AFG2A: variants seen among roughly 807,000 people sequenced by gnomAD.
The protein encoded by AFG2A is ATPase family gene 2 protein homolog A.
the AFG2A span, among the ~76,000 whole-genome samples, chr4:123,312,381 C>T: frequency 6.6e-6 from 1 of 152,176 alleles, no homozygotes; most frequent in African/African-American, 2.4e-5. Context: ...ACTTCTTAGC[C>T]TTGCAACCAT....
chr4:122,954,295 A>G, the AFG2A span, among the ~76,000 whole-genome samples: 1 of 152,150 alleles, frequency 6.6e-6, no homozygotes, highest in African/African-American at 2.4e-5. Flanking sequence ...CCACCTCTCA[A>G]TCAACTGTCT....
the AFG2A span, among the ~76,000 whole-genome samples, chr4:123,244,655 C>G: frequency 6.6e-6 from 1 of 152,224 alleles, no homozygotes; most frequent in Non-Finnish European, 1.5e-5. Context: ...TTTACCATAT[C>G]ATCCATTCTT....
the AFG2A span, among the ~76,000 whole-genome samples, chr4:123,137,120 C>A: frequency 6.6e-6 from 1 of 152,158 alleles, no homozygotes; most frequent in African/African-American, 2.4e-5. Flanking sequence ...TCTAACGGTG[C>A]GGCTGATCAG....
the AFG2A span, among the ~76,000 whole-genome samples, chr4:123,203,399 T>C: frequency 6.6e-6 from 1 of 152,148 alleles, no homozygotes; most frequent in Non-Finnish European, 1.5e-5. Context: ...CTTGGCTCAC[T>C]GCAACCTCCG....
At chr4:123,197,253 A>C in the AFG2A span, among the ~76,000 whole-genome samples, 1 of 152,228 alleles carries the variant, frequency 6.6e-6, no homozygotes, top group Non-Finnish European at 1.5e-5. Flanking sequence ...AATAATGTGA[A>C]TAACTACCAA....
At chr4:123,121,272 A>T in the AFG2A span, among the ~76,000 whole-genome samples, 7 of 151,636 alleles carry the variant, frequency 4.6e-5, no homozygotes, top group East Asian at 1.9e-4. Context: ...AATAAATAAA[A>T]AATTTATAAA....
the AFG2A span, among the ~76,000 whole-genome samples, chr4:123,114,384 C>A: frequency 2.6e-5 from 4 of 152,176 alleles, no homozygotes; most frequent in Non-Finnish European, 5.9e-5. Context: ...CCATCACACC[C>A]AGGCTGCTCA....
the AFG2A span, among the ~76,000 whole-genome samples, chr4:123,041,639 C>T: frequency 6.6e-6 from 1 of 152,004 alleles, no homozygotes; most frequent in East Asian, 1.9e-4. Context: ...TCAAGCGATT[C>T]TCCTGCCTGA....
the AFG2A span, among the ~76,000 whole-genome samples, chr4:123,064,398 T>C: frequency 6.6e-6 from 1 of 152,212 alleles, no homozygotes. Flanking sequence ...AGAAACTACT[T>C]ACATTGCTTT....
the AFG2A span, among the ~76,000 whole-genome samples, chr4:123,283,466 T>C: frequency 2.0e-5 from 3 of 152,100 alleles, no homozygotes; most frequent in Non-Finnish European, 2.9e-5. Context: ...GTTAAGCTAA[T>C]GCAAAAAAAG....
At chr4:123,099,031 T>C in the AFG2A span, among the ~76,000 whole-genome samples, 4 of 151,986 alleles carry the variant, frequency 2.6e-5, no homozygotes, top group African/African-American at 9.7e-5. Flanking sequence ...CATTTATCTT[T>C]CATGTTTTTG....
the AFG2A span, among the ~76,000 whole-genome samples, chr4:123,269,862 G>A: frequency 1.3e-5 from 2 of 152,218 alleles, no homozygotes; most frequent in South Asian, 4.1e-4. Flanking sequence ...CTGTCGCCAA[G>A]CTGGAGTGCA....
the AFG2A span, among the ~76,000 whole-genome samples, chr4:123,240,697 A>G: frequency 6.6e-6 from 1 of 152,192 alleles, no homozygotes; most frequent in Non-Finnish European, 1.5e-5. Context: ...TCTAAAATTG[A>G]CACCCTGACA....
chr4:123,102,282 C>T, the AFG2A span: 1 of 122,152 alleles, frequency 8.2e-6, no homozygotes, highest in African/African-American at 3.1e-5. Context: ...AGTGATTAAC[C>T]ATGTGATTTT....
chr4:123,279,272 C>T, the AFG2A span, among the ~76,000 whole-genome samples: 12 of 151,934 alleles, frequency 7.9e-5, no homozygotes, highest in Non-Finnish European at 1.0e-4. Context: ...AAAAATGAGC[C>T]GGGCGTGGTG....
the AFG2A span, among the ~76,000 whole-genome samples, chr4:122,984,095 C>T: frequency 6.6e-6 from 1 of 152,190 alleles, no homozygotes; most frequent in Admixed American, 6.5e-5. Flanking sequence ...TCAAAAATCA[C>T]ACTAGGGATG....
the AFG2A span, among the ~76,000 whole-genome samples, chr4:122,966,810 G>A: frequency 6.6e-6 from 1 of 152,244 alleles, no homozygotes; most frequent in Admixed American, 6.5e-5. Flanking sequence ...CTATTAGACT[G>A]TTAGCTGTGA....
chr4:122,964,662 A>G, the AFG2A span, among the ~76,000 whole-genome samples: 11 of 152,146 alleles, frequency 7.2e-5, 1 homozygote, highest in South Asian at 6.2e-4. Context: ...CCTTGGCTTA[A>G]GGTTCAGATC....
At chr4:123,178,790 A>G in the AFG2A span, among the ~76,000 whole-genome samples, 2 of 152,300 alleles carry the variant, frequency 1.3e-5, no homozygotes, top group East Asian at 1.9e-4. Context: ...AATCCATAAT[A>G]TGCTGACATA....
Sources: allele counts gnomAD v4.1 joint callset (sites outside exome capture counted in the v4.1 genomes callset), GRCh38; gene constraint gnomAD v4.1.1; transcripts MANE v1.5; gene names NCBI Gene and HGNC (gene_info 2026-07-23, HGNC 2026-07-21).